Variants in IQSEC1 observed in about 807,000 individuals in gnomAD.
IQSEC1 encodes IQ motif and SEC7 domain-containing protein 1.
A neutral mutation model predicts 91.0 loss-of-function variants in IQSEC1; 31 were observed. The observed-to-expected ratio is 0.34, with a 90% confidence interval of 0.26 to 0.46. The LOEUF is 0.46. IQSEC1 is among the 20% of genes least tolerant of loss of function. The pLI is 1.00. For synonymous variants in IQSEC1, 699 were observed against 662.6 expected (o/e 1.05, Z -0.84); for missense variants, 1,388 against 1,575.6 (o/e 0.88, Z 2.02).
intron 1 of IQSEC1, among the ~76,000 whole-genome samples, chr3:13,263,813 G>C (rs536800005): frequency 4.2e-4 from 64 of 152,162 alleles, no homozygotes; most frequent in African/African-American, 1.5e-3. Flanking sequence ...TTGCCCTAAG[G>C]CTGGAGTGGA....
At chr3:13,073,714 G>A (rs1051878035), upstream of IQSEC1, among the ~76,000 whole-genome samples, 2 of 152,250 alleles carry the variant, frequency 1.3e-5, no homozygotes. Context: ...TTCTGCCTTC[G>A]GCACTGAGAC....
chr3:13,162,905 C>G (rs774836850), intron 2 of IQSEC1, among the ~76,000 whole-genome samples: 45 of 152,046 alleles, frequency 3.0e-4, no homozygotes, highest in Non-Finnish European at 5.3e-4. Flanking sequence ...GGCATCCCCC[C>G]CTTATCCCTT....
chr3:13,001,037 A>G (rs1348105121), intron 1 of IQSEC1, among the ~76,000 whole-genome samples: 4 of 143,888 alleles, frequency 2.8e-5, no homozygotes, highest in East Asian at 2.0e-4. Flanking sequence ...TGCAACCTCT[A>G]CCTCCTGGGT....
At chr3:12,954,889 G>A (rs1699801716) in intron 1 of IQSEC1, among the ~76,000 whole-genome samples, 1 of 152,192 alleles carries the variant, frequency 6.6e-6, no homozygotes, top group South Asian at 2.1e-4. Flanking sequence ...GCCACAGAGC[G>A]GGGCAGAACG....
At chr3:13,005,833 C>A (rs897179671) in intron 1 of IQSEC1, among the ~76,000 whole-genome samples, 1 of 152,144 alleles carries the variant, frequency 6.6e-6, no homozygotes, top group African/African-American at 2.4e-5. Flanking sequence ...GAGGGTCCCC[C>A]TTGCAGAGCA....
intron 9 of IQSEC1, 79 bp from the exon 10 acceptor site, chr3:12,911,807 CTCCTGGAGTTCAAAGTCAGGAGGACA>C: frequency 1.0e-6 from 1 of 980,436 alleles, no homozygotes; most frequent in South Asian, 1.3e-5. Context: ...TCAGAGGATC[CTCCTGGAGTTCAAAGTCAGGAGGACA>C]GGGACAAGCC....
At chr3:13,245,862 T>C (rs6442363) in intron 1 of IQSEC1, among the ~76,000 whole-genome samples, 35,537 of 151,800 alleles carry the variant, frequency 0.23, 6,281 homozygotes, top group African/African-American at 0.5. Context: ...TCCTGCTAGA[T>C]GAAAGACACT....
At chr3:13,090,992 G>A (rs937922000) in intron 2 of IQSEC1, among the ~76,000 whole-genome samples, 7 of 152,186 alleles carry the variant, frequency 4.6e-5, no homozygotes, top group African/African-American at 1.7e-4. Context: ...CCAGGAGGAA[G>A]ATTAATTTGG....
intron 1 of IQSEC1, chr3:12,995,003 C>T (rs1702169091): frequency 1.3e-5 from 2 of 152,352 alleles, no homozygotes; most frequent in Admixed American, 6.5e-5. Context: ...AGTGCCCTCC[C>T]TGGTGGGTCG....
In IQSEC1 at chr3:12,935,550, T is replaced by G. The variant is rs1698089757; in HGVS notation, c.1466A>C (p.Gln489Pro). The G allele has an allele frequency of 6.2e-7, 1 of 1,614,074 alleles. No homozygotes were observed. The highest frequency in any genetic ancestry group is 8.5e-7 in the Non-Finnish European group (1 of 1,180,010). Residue 489 changes from glutamine (Q) to proline (P), a missense_variant, in exon 3 of 14, where the codon CAG (glutamine) becomes CCG (proline). Physicochemically the swap from Gln to Pro is moderately conservative, Grantham distance 76. Transcript: ENST00000613206. This position sits in a 1 kb window ranked among gnomAD's most constrained non-coding sequence, Gnocchi z 8.0. The stretch of plus-strand genomic sequence containing the variant: ...GTTGCGGGCCTCCTTGTGGTAGGTC[T>G]GCTTGCTGAGCGTCTGCTCCCGCAG... ...DSLREQTLSKQTYHKEARNSW... is the reference protein window; with the variant it reads ...DSLREQTLSKPTYHKEARNSW...
At chr3:13,163,985 C>G (rs1400900926) in intron 2 of IQSEC1, among the ~76,000 whole-genome samples, 1 of 152,150 alleles carries the variant, frequency 6.6e-6, no homozygotes, top group African/African-American at 2.4e-5. Context: ...AAGGGGGCAG[C>G]CAGGGGAGGA....
chr3:13,175,842 C>A (rs60262169), intron 1 of IQSEC1, among the ~76,000 whole-genome samples: 3 of 152,258 alleles, frequency 2.0e-5, no homozygotes, highest in Admixed American at 6.5e-5. Context: ...GCTCACCTCT[C>A]GGGTCCTTTA....
intron 2 of IQSEC1, among the ~76,000 whole-genome samples, chr3:12,939,128 C>T (rs184298669): frequency 6.6e-6 from 1 of 152,316 alleles, no homozygotes; most frequent in African/African-American, 2.4e-5. Context: ...CGAGGGGTTT[C>T]ACTACCCCAC....
At chr3:13,127,772 C>T (rs1298363657) in intron 2 of IQSEC1, among the ~76,000 whole-genome samples, 3 of 152,146 alleles carry the variant, frequency 2.0e-5, no homozygotes, top group East Asian at 3.8e-4. Flanking sequence ...TTCCGATCCA[C>T]GAACATGGTA....
chr3:12,991,128 T>A (rs138447579), intron 1 of IQSEC1, among the ~76,000 whole-genome samples: 24 of 152,250 alleles, frequency 1.6e-4, no homozygotes, highest in Non-Finnish European at 2.4e-4. Flanking sequence ...GGGTCTAAAG[T>A]CAGTCCCTAC....
At chr3:13,121,129 T>C (rs969028823) in intron 2 of IQSEC1, among the ~76,000 whole-genome samples, 1 of 152,228 alleles carries the variant, frequency 6.6e-6, no homozygotes, top group Admixed American at 6.5e-5. Context: ...ATGCTGTACC[T>C]GCCCACACGC....
At position 12,908,576 on chromosome 3, in the gene IQSEC1, G is replaced by C; in HGVS notation, c.2579-51C>G. On this transcript the variant is annotated intron_variant, in intron 11 of 13. Transcript: ENST00000613206. This position sits in a 1 kb window ranked among gnomAD's most constrained non-coding sequence, Gnocchi z 4.9. ...GGTGAGAGGAGCACAGCCTAGAGTG[G>C]GCAGGAGACGGGGCCTTCTGCTTGG... The C allele has an allele frequency of 6.3e-7, 1 of 1,590,216 alleles. No individual in the cohort carries two copies. The highest frequency in any genetic ancestry group is 1.1e-5 in the South Asian group (1 of 90,354).
At chr3:13,147,254 T>C (rs1444230107) in intron 2 of IQSEC1, among the ~76,000 whole-genome samples, 2 of 152,232 alleles carry the variant, frequency 1.3e-5, no homozygotes, top group African/African-American at 4.8e-5. Context: ...GAGACTTCAG[T>C]GCAGGGGTCA....
rs1325821024 is a variant in IQSEC1, at chr3:13,211,932, C to T, written c.273-47799G>A. Among the ~76,000 whole-genome samples, 1 of 152,186 alleles carries T rather than the reference C, an allele frequency of 6.6e-6. No homozygotes were observed. Among genetic ancestry groups the T allele is most frequent in the Non-Finnish European group, 1.5e-5 (1 of 68,028 alleles). On this transcript the variant is annotated intron_variant, in intron 1 of 15. Transcript: ENST00000648114. The surrounding 1 kb of genome is among the most constrained non-coding windows in gnomAD (Gnocchi z 5.3). ...CCAGAGGACCCGAAACCCCCACGGC[C>T]CTGTGTTTTTGAGCCCCTGTGGGCT...
Sources: allele counts gnomAD v4.1 joint callset (sites outside exome capture counted in the v4.1 genomes callset), GRCh38; gene constraint gnomAD v4.1.1; non-coding constraint Gnocchi (gnomAD v3.1); transcripts MANE v1.5; gene names NCBI Gene and HGNC (gene_info 2026-07-23, HGNC 2026-07-21).